HEATR5B: variants seen among roughly 807,000 people sequenced by gnomAD.
HEATR5B encodes the protein HEAT repeat containing 5B, also known as HEAT repeat-containing protein 5B.
HEATR5B carries 156 observed loss-of-function variants against 224.1 expected under a neutral mutation model. The ratio of observed to expected loss-of-function variants is 0.70; its 90% CI spans 0.61 to 0.80. HEATR5B has a LOEUF of 0.80. HEATR5B is among the 30% of genes least tolerant of loss of function. HEATR5B has a pLI of 0.00. For missense variants in HEATR5B, 2,323 were observed against 2,535.5 expected, an observed-to-expected ratio of 0.92 and a Z score of 1.80; for synonymous variants, 1,027 against 893.0, an observed-to-expected ratio of 1.15 and a Z score of -2.68.
At chr2:37,060,554 G>A (rs764552326) in intron 12 of HEATR5B, 27 bp downstream of exon 12, 9 of 1,561,638 alleles carry the variant, frequency 5.8e-6, no homozygotes, top group Non-Finnish European at 5.2e-6. Flanking sequence ...TCATAATATT[G>A]TGAAGCACAA....
rs567401329 is a variant in HEATR5B, at chr2:37,013,452, C to T, written c.4284+389G>A. On this transcript the variant is annotated intron_variant, in intron 27 of 35. Transcript: ENST00000233099. Reference sequence around the variant, plus strand: ...GCAGTCCCAGCTACGCGGATGGCTGCGGCAGGAGGACTGTTTGGGCCCAGA... The same window carrying T: ...GCAGTCCCAGCTACGCGGATGGCTGTGGCAGGAGGACTGTTTGGGCCCAGA... Among the ~76,000 whole-genome samples, 5 of 152,286 alleles carry T rather than the reference C, an allele frequency of 3.3e-5. No homozygotes were observed. The East Asian group carries it at 5.8e-4, about 18-fold the overall frequency.
chr2:37,036,514 T>C (rs1299414240), intron 21 of HEATR5B, among the ~76,000 whole-genome samples: 1 of 90,968 alleles, frequency 1.1e-5, no homozygotes, highest in East Asian at 3.5e-4. Context: ...TAAATATCAA[T>C]TGTTTTTTTT....
At chr2:37,034,830 T>C (rs1484275845) in intron 21 of HEATR5B, among the ~76,000 whole-genome samples, 2 of 152,016 alleles carry the variant, frequency 1.3e-5, no homozygotes, top group Non-Finnish European at 2.9e-5. Context: ...AGCACTGGGA[T>C]TACAGGTGTG....
rs201487568 is a variant in HEATR5B at position 37,002,407 on chromosome 2, C to G, written c.5216G>C (p.Ser1739Thr). 4 of 1,614,238 alleles carry G rather than the reference C, an allele frequency of 2.5e-6. No individual in the cohort carries two copies. Among genetic ancestry groups the G allele is most frequent in the Middle Eastern group, 3.3e-4 (2 of 6,062 alleles). The change falls in exon 32 of 36, where the codon AGT (serine) becomes ACT (threonine). Residue 1739 changes from serine (S) to threonine (T), a missense_variant. Transcript: ENST00000233099. ...HLSTKVSDSP[S>T]HIATKTRLSE... is the part of the protein sequence containing the mutation. ...TAGTCGAGTTTTAGTGGCTATGTGA[C>G]TTGGAGAGTCTGACACCTTGGTACT...
chr2:37,069,387 G>A (rs905651684), intron 7 of HEATR5B, among the ~76,000 whole-genome samples: 1 of 152,140 alleles, frequency 6.6e-6, no homozygotes, highest in African/African-American at 2.4e-5. Context: ...TCGTGATTTT[G>A]ACTATGATCA....
chr2:37,009,041 T>G (rs1667615946), intron 27 of HEATR5B, among the ~76,000 whole-genome samples, 193 bp from the exon 28 acceptor site: 1 of 151,714 alleles, frequency 6.6e-6, no homozygotes, highest in Non-Finnish European at 1.5e-5. Context: ...GGGTAGATCA[T>G]GAGGTCAAGA....
chr2:37,038,907 T>TC lies in HEATR5B; in HGVS notation c.3047-884_3047-883insG, dbSNP rs1482152294. Among the ~76,000 whole-genome samples, 135 of 66,330 alleles carry TC rather than the reference T, an allele frequency of 2.0e-3. 2 individuals carry two copies. The highest frequency in any genetic ancestry group is 3.7e-3 in the Non-Finnish European group (118 of 31,942). 43.5% of individuals were successfully genotyped at this position (66,330 alleles called of 152,430 possible). A position where few individuals can be genotyped will look rare whatever the true frequency, so the allele number is the denominator to read the frequency against. ...AGAGCAAGACTCTGTCTCCCTGGGG[T>TC]GGGGGGGGTGGGGAATCACATATTT... On this transcript the variant is annotated intron_variant, in intron 20 of 35. Transcript: ENST00000233099.
intron 17 of HEATR5B, among the ~76,000 whole-genome samples, chr2:37,050,683 G>A (rs1001245111): frequency 6.6e-6 from 1 of 152,126 alleles, no homozygotes; most frequent in Admixed American, 6.5e-5. Flanking sequence ...AAACTGAATA[G>A]TTTATATAAA....
chr2:37,076,974 T>C lies in HEATR5B; in HGVS notation c.384A>G (p.Arg128=). ...CVGAFYEKMG[R]MLGSAFPETV... ...TTTCTGGAAATGCGCTGCCCAACAT[T>C]CTCCCCATTTTTTCATAAAATGCTC... The change falls in exon 4 of 36, where the codon AGA becomes AGG. Residue 128 remains arginine (R), a synonymous_variant. Coordinates refer to ENST00000233099, the MANE Select transcript of HEATR5B (RefSeq NM_019024.3). 1.9e-6 allele frequency: 3 copies of C among 1,614,050 alleles called. No homozygotes were observed. Among genetic ancestry groups the C allele is most frequent in the Non-Finnish European group, 2.5e-6 (3 of 1,179,998 alleles).
At chr2:37,037,051 G>A (rs987438440) in intron 21 of HEATR5B, among the ~76,000 whole-genome samples, 1 of 149,832 alleles carries the variant, frequency 6.7e-6, no homozygotes, top group South Asian at 2.1e-4. Flanking sequence ...TCTGATGAAT[G>A]AATAAATTAA....
At chr2:37,082,789 T>A (rs1440147414) in intron 2 of HEATR5B, among the ~76,000 whole-genome samples, 2 of 152,230 alleles carry the variant, frequency 1.3e-5, no homozygotes, top group African/African-American at 4.8e-5. Flanking sequence ...CTGAAGCCTG[T>A]GAGACCCCTG....
chr2:37,060,749 A>G lies in HEATR5B; in HGVS notation c.1697-16T>C. The G allele has an allele frequency of 3.7e-6, 6 of 1,608,708 alleles. No individual in the cohort carries two copies. The highest frequency in any genetic ancestry group is 5.1e-6 in the Non-Finnish European group (6 of 1,176,792). ...ACAGATGGTCCTAGCCAAGAAAATG[A>G]GAATACAAAACCATGTATATGTAAC... On this transcript the variant is annotated splice_polypyrimidine_tract_variant and intron_variant, in intron 11 of 35. Transcript: ENST00000233099.
chr2:37,035,880 T>A (rs1669445122), intron 21 of HEATR5B, among the ~76,000 whole-genome samples: 1 of 152,162 alleles, frequency 6.6e-6, no homozygotes, highest in African/African-American at 2.4e-5. Context: ...ATTAATGATA[T>A]CCACTCTTCC....
chr2:37,045,217 T>C (rs976404771), intron 18 of HEATR5B, among the ~76,000 whole-genome samples: 3 of 152,194 alleles, frequency 2.0e-5, no homozygotes, highest in African/African-American at 4.8e-5. Flanking sequence ...TTTCTATTGA[T>C]TGATGTTTTC....
chr2:37,082,924 TA>T (rs35197387), intron 2 of HEATR5B, among the ~76,000 whole-genome samples: 8,115 of 141,222 alleles, frequency 0.057, 297 homozygotes, highest in South Asian at 0.1. Flanking sequence ...AAAAACAGAT[TA>T]AAAAAAAAAA....
At chr2:37,009,278 A>G (rs10183865) in intron 27 of HEATR5B, among the ~76,000 whole-genome samples, 10,890 of 143,446 alleles carry the variant, frequency 0.076, 660 homozygotes, top group African/African-American at 0.16. Context: ...AAAAAAAAAA[A>G]AAGAAGAAAG....
In HEATR5B at chr2:37,043,849, C is replaced by T. The variant is rs1013065378; in HGVS notation, c.2697-2557G>A. Among the ~76,000 whole-genome samples, 4 of 151,994 alleles carry T rather than the reference C, an allele frequency of 2.6e-5. No homozygotes were observed. In the East Asian group the frequency reaches 5.8e-4, roughly 22 times the overall value. On this transcript the variant is annotated intron_variant, in intron 18 of 35. Coordinates refer to ENST00000233099, the MANE Select transcript of HEATR5B (RefSeq NM_019024.3). ...AACTTTTTGAAGTCCCTAATAGAAG[C>T]CACATATGTAATTTAAAATATTCTA...
At chr2:37,054,122 T>G (rs867901974) in intron 16 of HEATR5B, among the ~76,000 whole-genome samples, 13 of 151,802 alleles carry the variant, frequency 8.6e-5, no homozygotes, top group African/African-American at 3.1e-4. Flanking sequence ...GTGAATTGTT[T>G]TTTATATTAA....
intron 21 of HEATR5B, among the ~76,000 whole-genome samples, chr2:37,033,564 A>G (rs1293577140): frequency 6.6e-6 from 1 of 152,240 alleles, no homozygotes; most frequent in East Asian, 1.9e-4. Context: ...ATCACCTGAA[A>G]AAATTGCAAA....
Sources: gnomAD v4.1 joint callset for allele counts (sites outside exome capture counted in the v4.1 genomes callset) on GRCh38, gnomAD v4.1.1 for gene constraint, MANE v1.5 for transcripts, NCBI Gene and HGNC (gene_info 2026-07-23, HGNC 2026-07-21) for gene names.